SLC24A2: variants seen among roughly 807,000 people sequenced by gnomAD.
SLC24A2 encodes the protein sodium/potassium/calcium exchanger 2.
Under a neutral mutation model 62.0 loss-of-function variants are expected in SLC24A2, and 36 were observed. The observed-to-expected ratio is 0.58, with a 90% CI of 0.44 to 0.77. SLC24A2 has a LOEUF of 0.77. SLC24A2 is among the 30% of genes least tolerant of loss of function. SLC24A2 has a pLI of 0.00. For missense variants in SLC24A2, 846 were observed against 817.9 expected (o/e 1.03, Z -0.42); for synonymous variants, 358 against 294.0 (o/e 1.22, Z -2.23).
chr9:20,200,424 T>G, the SLC24A2 span, among the ~76,000 whole-genome samples: 1 of 152,202 alleles, frequency 6.6e-6, no homozygotes, highest in Non-Finnish European at 1.5e-5. Flanking sequence ...TAAAGCAGCA[T>G]ATGGATGAGA....
chr9:20,259,699 G>A, the SLC24A2 span, among the ~76,000 whole-genome samples: 1 of 152,094 alleles, frequency 6.6e-6, no homozygotes, highest in Non-Finnish European at 1.5e-5. Flanking sequence ...TCTGGAGAGA[G>A]ACTTCAGATT....
At chr9:20,016,341 T>C in the SLC24A2 span, among the ~76,000 whole-genome samples, 5 of 152,162 alleles carry the variant, frequency 3.3e-5, no homozygotes, top group East Asian at 7.7e-4. Context: ...AAGGCTTAGA[T>C]TAGGAAGACA....
chr9:20,276,315 C>A, the SLC24A2 span, among the ~76,000 whole-genome samples: 1 of 152,192 alleles, frequency 6.6e-6, no homozygotes, highest in Non-Finnish European at 1.5e-5. Flanking sequence ...GGGCTACAGG[C>A]CCCATGCAAG....
At chr9:19,780,947 C>CA (rs1417619530) in intron 2 of SLC24A2, among the ~76,000 whole-genome samples, 4 of 142,306 alleles carry the variant, frequency 2.8e-5, no homozygotes, top group Admixed American at 6.9e-5. Flanking sequence ...AAAAAAAATT[C>CA]AAAAAAAGGC....
chr9:20,171,756 A>G, the SLC24A2 span, among the ~76,000 whole-genome samples: 1 of 152,090 alleles, frequency 6.6e-6, no homozygotes, highest in East Asian at 1.9e-4. Context: ...CTAGCAACAC[A>G]ATAAAAGTGG....
the SLC24A2 span, among the ~76,000 whole-genome samples, chr9:20,049,258 G>A: frequency 6.6e-6 from 1 of 152,120 alleles, no homozygotes; most frequent in East Asian, 1.9e-4. Context: ...CCATCACATC[G>A]ATCCATCAAT....
chr9:20,045,534 C>T, the SLC24A2 span, among the ~76,000 whole-genome samples: 1 of 152,062 alleles, frequency 6.6e-6, no homozygotes, highest in African/African-American at 2.4e-5. Context: ...CAGGTTCAAG[C>T]GACTCTCCTG....
chr9:19,959,972 A>G, the SLC24A2 span, among the ~76,000 whole-genome samples: 1 of 152,180 alleles, frequency 6.6e-6, no homozygotes, highest in Non-Finnish European at 1.5e-5. Context: ...CTTTTCTTTA[A>G]TAATTATATT....
chr9:20,233,844 T>A, the SLC24A2 span, among the ~76,000 whole-genome samples: 1 of 152,224 alleles, frequency 6.6e-6, no homozygotes, highest in African/African-American at 2.4e-5. Flanking sequence ...CAATTTGGCA[T>A]GTTTTTGCAG....
chr9:19,520,790 G>A, intron 10 of SLC24A2, 104 bp downstream of exon 10: 3 of 1,010,392 alleles, frequency 3.0e-6, no homozygotes, highest in South Asian at 1.3e-5. Flanking sequence ...ATTGGTATTG[G>A]TTAGTCTTAG....
At chr9:19,961,879 C>T in the SLC24A2 span, among the ~76,000 whole-genome samples, 2 of 152,168 alleles carry the variant, frequency 1.3e-5, no homozygotes, top group Admixed American at 1.3e-4. Flanking sequence ...GAAACTGATC[C>T]TCCAGACTCT....
the SLC24A2 span, chr9:19,895,828 G>A: frequency 2.5e-6 from 4 of 1,603,946 alleles, no homozygotes; most frequent in Admixed American, 5.1e-5. Flanking sequence ...GGTGTGGAAG[G>A]ACCGCTCCTC....
At chr9:19,526,691 TGAA>T in intron 9 of SLC24A2, among the ~76,000 whole-genome samples, 1 of 152,314 alleles carries the variant, frequency 6.6e-6, no homozygotes, top group African/African-American at 2.4e-5. Context: ...TTAGGATACT[TGAA>T]GATGCTTGCC....
At chr9:19,803,531 T>A in the SLC24A2 span, among the ~76,000 whole-genome samples, 69 of 152,322 alleles carry the variant, frequency 4.5e-4, 1 homozygote, top group East Asian at 0.013. Flanking sequence ...TTATAATTTT[T>A]AAAAAATCTG....
the SLC24A2 span, among the ~76,000 whole-genome samples, chr9:20,124,686 C>G: frequency 6.6e-6 from 1 of 152,172 alleles, no homozygotes; most frequent in African/African-American, 2.4e-5. Flanking sequence ...ATGCACTAGA[C>G]TTTTCATAAT....
At chr9:20,091,647 G>T in the SLC24A2 span, among the ~76,000 whole-genome samples, 1 of 152,228 alleles carries the variant, frequency 6.6e-6, no homozygotes, top group Non-Finnish European at 1.5e-5. Context: ...TTCAGATAAG[G>T]ATAAGCAAAT....
chr9:19,560,360 G>T (rs1835329948), intron 7 of SLC24A2, among the ~76,000 whole-genome samples: 1 of 142,482 alleles, frequency 7.0e-6, no homozygotes, highest in Admixed American at 7.8e-5. Context: ...TGTATTCAGA[G>T]ATGAGGCCTC....
At chr9:20,073,602 T>G in the SLC24A2 span, among the ~76,000 whole-genome samples, 2 of 152,098 alleles carry the variant, frequency 1.3e-5, no homozygotes, top group Non-Finnish European at 2.9e-5. Flanking sequence ...ATGTCATTTA[T>G]TATATGTAAT....
intron 2 of SLC24A2, among the ~76,000 whole-genome samples, chr9:19,685,694 G>A (rs888540602): frequency 6.6e-6 from 1 of 152,182 alleles, no homozygotes; most frequent in Non-Finnish European, 1.5e-5. Flanking sequence ...TTCAAAAAAT[G>A]GTGCTTGGAT....
Sources: gnomAD v4.1 joint callset for allele counts (sites outside exome capture counted in the v4.1 genomes callset) on GRCh38, gnomAD v4.1.1 for gene constraint, MANE v1.5 for transcripts, NCBI Gene and HGNC (gene_info 2026-07-23, HGNC 2026-07-21) for gene names.